Variants in NUP160 observed in about 807,000 individuals in gnomAD.
NUP160 encodes the protein nuclear pore complex protein Nup160.
NUP160 carries 94 observed loss-of-function variants against 196.9 expected under a neutral mutation model. The ratio of observed to expected loss-of-function variants is 0.48; its 90% CI spans 0.40 to 0.57. The LOEUF (loss-of-function observed/expected upper bound fraction) is 0.57. Ranked by LOEUF, NUP160 falls within the 20% of genes least tolerant of loss-of-function variation. The pLI is 0.00. For missense variants in NUP160, 1,638 were observed against 1,748.3 expected (o/e 0.94, Z 1.13); for synonymous variants, 605 against 619.7 (o/e 0.98, Z 0.35).
At chr11:47,848,471 GA>G (rs2135410079), upstream of NUP160, 3 of 1,376,732 alleles carry the variant, frequency 2.2e-6, no homozygotes, top group East Asian at 7.5e-5. Flanking sequence ...CTTCCACCGG[GA>G]GAATGAGGGT....
intron 34 of NUP160, among the ~76,000 whole-genome samples, chr11:47,782,389 G>A (rs73453067): frequency 0.018 from 2,517 of 137,326 alleles, 106 homozygotes; most frequent in African/African-American, 0.066. Flanking sequence ...AACTTATGGT[G>A]GGTTTGTTTT....
intron 7 of NUP160, among the ~76,000 whole-genome samples, chr11:47,831,564 C>T (rs1393212131): frequency 6.6e-6 from 1 of 152,068 alleles, no homozygotes; most frequent in East Asian, 1.9e-4. Context: ...GAGGTCTGGG[C>T]CAGGTGCAGT....
At chr11:47,835,045 G>A (rs1019027000) in intron 7 of NUP160, among the ~76,000 whole-genome samples, 7 of 152,158 alleles carry the variant, frequency 4.6e-5, no homozygotes, top group East Asian at 1.9e-4. Flanking sequence ...GTGGCCTAGC[G>A]TGGGGACTCA....
chr11:47,821,834 G>A lies in NUP160; in HGVS notation c.1180-13C>T, dbSNP rs756374254. The A allele has an allele frequency of 1.8e-5, 28 of 1,597,786 alleles. No individual in the cohort carries two copies. The East Asian group carries it at 5.4e-4, about 31-fold the overall frequency. ...CAATCAGTGTCTCCTAGGAGGAAATGTGGGAAAAAAAGGGATAAAATAAGA... is the reference window on the plus strand; with the variant it reads ...CAATCAGTGTCTCCTAGGAGGAAATATGGGAAAAAAAGGGATAAAATAAGA... On this transcript the variant is annotated splice_polypyrimidine_tract_variant and intron_variant, in intron 8 of 35. Coordinates refer to ENST00000378460, the Ensembl canonical transcript of NUP160.
At chr11:47,832,195 G>C (rs1565206947) in intron 7 of NUP160, among the ~76,000 whole-genome samples, 1 of 152,042 alleles carries the variant, frequency 6.6e-6, no homozygotes, top group Non-Finnish European at 1.5e-5. Flanking sequence ...CCACTGTGCT[G>C]GCCCACAAAT....
At chr11:47,786,198 C>T (rs1263244471) in intron 32 of NUP160, among the ~76,000 whole-genome samples, 8 of 152,036 alleles carry the variant, frequency 5.3e-5, no homozygotes, top group African/African-American at 1.4e-4. Flanking sequence ...GTAAGAGTAC[C>T]CTTTCCTGAT....
At chr11:47,810,874 A>C (rs1017402084) in intron 17 of NUP160, among the ~76,000 whole-genome samples, 2 of 152,156 alleles carry the variant, frequency 1.3e-5, no homozygotes, top group South Asian at 2.1e-4. Flanking sequence ...CTTAAAATGT[A>C]TAAGTACATT....
chr11:47,834,233 C>G (rs1160391663), intron 7 of NUP160, among the ~76,000 whole-genome samples: 2 of 151,992 alleles, frequency 1.3e-5, no homozygotes, highest in Non-Finnish European at 2.9e-5. Flanking sequence ...AGTTTGAGAA[C>G]CACTATTTTA....
At chr11:47,839,512 G>A (rs1365319415) in intron 4 of NUP160, 1 of 270,462 alleles carries the variant, frequency 3.7e-6, no homozygotes, top group Non-Finnish European at 7.1e-6. Flanking sequence ...ACTTGGTGCA[G>A]GGTATTTAAT....
chr11:47,829,731 A>AAATC (rs1852037984), intron 7 of NUP160, among the ~76,000 whole-genome samples: 2 of 152,358 alleles, frequency 1.3e-5, no homozygotes, highest in East Asian at 3.9e-4. Context: ...GATGGATTAA[A>AAATC]GACTTAAACA....
At chr11:47,829,810 C>T (rs1350949642) in intron 7 of NUP160, among the ~76,000 whole-genome samples, 9 of 152,038 alleles carry the variant, frequency 5.9e-5, no homozygotes, top group Admixed American at 3.9e-4. Context: ...TACGAACGGG[C>T]AAAGATTTCA....
intron 7 of NUP160, among the ~76,000 whole-genome samples, chr11:47,828,235 G>T: frequency 6.6e-6 from 1 of 152,184 alleles, no homozygotes; most frequent in Middle Eastern, 3.4e-3. Flanking sequence ...AAATCTATCA[G>T]AACTAATAAA....
chr11:47,788,562 A>T lies in NUP160; in HGVS notation c.3561T>A (p.Cys1187Ter). ...AAGTGAGGCGGATGCGAGCCAAGGAACACTCTTTCTCCAGATCTTCCAGTT... is the reference window on the plus strand; with the variant it reads ...AAGTGAGGCGGATGCGAGCCAAGGATCACTCTTTCTCCAGATCTTCCAGTT... Residue 1187 changes from cysteine to a stop codon, truncating the protein, a stop_gained, in exon 30 of 36, where the codon TGT (cysteine) becomes TGA (stop). Coordinates refer to ENST00000378460, the Ensembl canonical transcript of NUP160. LOFTEE classifies it high-confidence loss of function. The T allele has an allele frequency of 6.2e-7, 1 of 1,614,126 alleles. No individual in the cohort carries two copies. Among genetic ancestry groups the T allele is most frequent in the Non-Finnish European group, 8.5e-7 (1 of 1,179,990 alleles).
intron 12 of NUP160, 123 bp from the exon 13 acceptor site, chr11:47,815,772 T>TA: frequency 1.1e-6 from 1 of 945,144 alleles, no homozygotes; most frequent in South Asian, 1.7e-5. Context: ...CCTTACGTAT[T>TA]AAAGGCCATA....
chr11:47,840,554 C>A lies in NUP160; in HGVS notation c.349G>T (p.Glu117Ter). The change falls in exon 3 of 36, where the codon GAG becomes TAG. Residue 117 changes from glutamate to a stop codon, truncating the protein, a stop_gained. Coordinates refer to ENST00000378460, the Ensembl canonical transcript of NUP160. LOFTEE classifies it high-confidence loss of function. ...TTCAACAGATTTATGTCCAGTGACT[C>A]CTCCATCAGCTCCAATGTATCTCCA... The A allele has an allele frequency of 6.2e-7, 1 of 1,612,072 alleles. No individual in the cohort carries two copies. The highest frequency in any genetic ancestry group is 8.5e-7 in the Non-Finnish European group (1 of 1,178,682).
chr11:47,783,419 A>T (rs1486534767), intron 33 of NUP160, among the ~76,000 whole-genome samples: 1 of 152,018 alleles, frequency 6.6e-6, no homozygotes, highest in Non-Finnish European at 1.5e-5. Context: ...ACCTCTAGGC[A>T]GTTTGGGAGG....
chr11:47,837,443 TATA>T lies in NUP160; in HGVS notation c.827+99_827+101del, dbSNP rs1439337866. 9 of 875,926 alleles carry T rather than the reference TATA, an allele frequency of 1.0e-5. No individual in the cohort carries two copies. In the African/African-American group the frequency reaches 1.3e-4, roughly 13 times the overall value. The allele number at this position is 875,926 out of a possible 1,614,324, so 54.3% of individuals were successfully genotyped here. The stretch of plus-strand genomic sequence containing the variant: ...TTATTCTGACTGTTCTCCTTTCCAG[TATA>T]ATGTTTGCCTTGGAATAAGACTGGA... On this transcript the variant is annotated intron_variant, in intron 5 of 35. Transcript: ENST00000378460.
exon 24 of NUP160, chr11:47,798,420 A>C: frequency 6.2e-7 from 1 of 1,612,044 alleles, no homozygotes; most frequent in Non-Finnish European, 8.5e-7. Flanking sequence ...AGCCAACTGA[A>C]TAACCAGTTC....
At position 47,785,119 on chromosome 11, in the gene NUP160, TACCATTCAAAGCATGTA is replaced by T. The variant is rs2097663833; in HGVS notation, c.3849-73_3849-57del. 7.6e-6 allele frequency: 5 copies of T among 653,794 alleles called. No homozygotes were observed. The East Asian group carries it at 2.3e-4, about 30-fold the overall frequency. The allele number at this position is 653,794 out of a possible 1,614,324, so 40.5% of individuals were successfully genotyped here. On this transcript the variant is annotated intron_variant, in intron 32 of 35. Coordinates refer to ENST00000378460, the Ensembl canonical transcript of NUP160. ...TCAGATTCTTAATAGCTATTTAGAG[TACCATTCAAAGCATGTA>T]TTTACAAGGAAAACTTTTTTTTCAG...
Sources: gnomAD v4.1 joint callset for allele counts (sites outside exome capture counted in the v4.1 genomes callset) on GRCh38, gnomAD v4.1.1 for gene constraint, MANE v1.5 for transcripts, NCBI Gene and HGNC (gene_info 2026-07-23, HGNC 2026-07-21) for gene names.